Variants in CWC27 observed in about 807,000 individuals in gnomAD.
CWC27 encodes spliceosome-associated protein CWC27 homolog.
A neutral mutation model predicts 63.6 loss-of-function variants in CWC27; 47 were observed. That is an observed-to-expected ratio of 0.74 (90% confidence interval 0.58 to 0.94). CWC27 has a LOEUF of 0.94. Ranked by LOEUF, CWC27 falls within the 40% of genes least tolerant of loss-of-function variation. The pLI, the probability that CWC27 is intolerant of heterozygous loss-of-function variation, is 0.00. For synonymous variants in CWC27, 175 were observed against 179.8 expected (o/e 0.97, Z 0.22); for missense variants, 495 against 554.3 (o/e 0.89, Z 1.07).
chr5:64,968,053 A>G (rs750673813), intron 11 of CWC27, among the ~76,000 whole-genome samples: 1 of 152,056 alleles, frequency 6.6e-6, no homozygotes, highest in Non-Finnish European at 1.5e-5. Flanking sequence ...TAAGAAAACT[A>G]TTACAACTCA....
chr5:64,783,562 G>T, intron 3 of CWC27, among the ~76,000 whole-genome samples: 1 of 152,160 alleles, frequency 6.6e-6, no homozygotes, highest in East Asian at 1.9e-4. Context: ...AAATGACTTA[G>T]AAATCCATTC....
chr5:64,963,134 G>T (rs1467292198), intron 11 of CWC27, among the ~76,000 whole-genome samples: 21 of 151,482 alleles, frequency 1.4e-4, no homozygotes, highest in African/African-American at 5.1e-4. Flanking sequence ...ATTTTTTTTT[G>T]TATTTTTAGT....
intron 10 of CWC27, among the ~76,000 whole-genome samples, chr5:64,806,502 C>T (rs976709478): frequency 1.3e-5 from 2 of 152,144 alleles, no homozygotes; most frequent in Non-Finnish European, 2.9e-5. Flanking sequence ...TTTCATTATT[C>T]ACATTCTCTA....
chr5:64,846,646 G>A (rs1745987162), intron 10 of CWC27, among the ~76,000 whole-genome samples: 1 of 152,086 alleles, frequency 6.6e-6, no homozygotes, highest in South Asian at 2.1e-4. Context: ...AAGGAAGACA[G>A]CAAGGGAGGA....
intron 2 of CWC27, among the ~76,000 whole-genome samples, chr5:64,777,844 T>C (rs1743511811): frequency 6.6e-6 from 1 of 152,102 alleles, no homozygotes; most frequent in African/African-American, 2.4e-5. Flanking sequence ...ACTAATAAAT[T>C]ACAAAGAAGT....
intron 11 of CWC27, among the ~76,000 whole-genome samples, chr5:64,903,698 A>T (rs1249417753): frequency 1.3e-5 from 2 of 152,136 alleles, no homozygotes; most frequent in East Asian, 3.9e-4. Context: ...TAAAATAAAA[A>T]ATAAAAATAA....
Position 64,985,718 on chromosome 5 carries a change from A to AT in CWC27, c.1256+8481dup, listed in dbSNP as rs528043497. On this transcript the variant is annotated intron_variant, in intron 13 of 13. Coordinates refer to ENST00000381070, the MANE Select transcript of CWC27 (RefSeq NM_005869.4). ...TTTTATTTCTTTCTTTCTACTCTGT[A>AT]TGACATGTATTTATTCATTTATTTA... 8.5e-4 allele frequency among the ~76,000 whole-genome samples: 129 copies of AT among 152,168 alleles called. 1 individual carries two copies. Among genetic ancestry groups the AT allele is most frequent in the Non-Finnish European group, 8.1e-4 (55 of 67,998 alleles).
intron 10 of CWC27, chr5:64,808,089 A>G: frequency 8.4e-7 from 1 of 1,183,790 alleles, no homozygotes; most frequent in Non-Finnish European, 1.0e-6. Context: ...TTACTATTTA[A>G]AGTGTGATCT....
chr5:64,770,554 T>A (rs955992538), intron 1 of CWC27, among the ~76,000 whole-genome samples: 2 of 152,210 alleles, frequency 1.3e-5, no homozygotes, highest in African/African-American at 4.8e-5. Flanking sequence ...ATCCCAGCAG[T>A]CTCTGGCCCC....
intron 10 of CWC27, among the ~76,000 whole-genome samples, chr5:64,807,358 T>C (rs1425446944): frequency 6.6e-6 from 1 of 152,218 alleles, no homozygotes; most frequent in Non-Finnish European, 1.5e-5. Context: ...TGGGGAATGA[T>C]ATTTAACAGA....
intron 10 of CWC27, among the ~76,000 whole-genome samples, chr5:64,884,685 G>C (rs1354613053): frequency 1.3e-5 from 2 of 152,268 alleles, no homozygotes; most frequent in African/African-American, 4.8e-5. Context: ...GTCTTGACCA[G>C]TTACAAGTAA....
chr5:64,918,055 A>C (rs976874194), intron 11 of CWC27, among the ~76,000 whole-genome samples: 43 of 152,188 alleles, frequency 2.8e-4, no homozygotes, highest in Admixed American at 2.8e-3. Context: ...TTTTCAGGTG[A>C]ATATTTGTTT....
At chr5:64,973,053 G>A (rs960991684) in intron 12 of CWC27, among the ~76,000 whole-genome samples, 2 of 152,154 alleles carry the variant, frequency 1.3e-5, no homozygotes, top group African/African-American at 4.8e-5. Context: ...GCCAGGTAGA[G>A]GCAGAGCATG....
At chr5:64,969,509 A>G (rs781696819) in intron 11 of CWC27, among the ~76,000 whole-genome samples, 1 of 152,170 alleles carries the variant, frequency 6.6e-6, no homozygotes, top group East Asian at 1.9e-4. Flanking sequence ...GGAAGAGGGC[A>G]AATTACCCTA....
intron 13 of CWC27, among the ~76,000 whole-genome samples, chr5:65,004,909 T>TACACATAC (rs1749811916): frequency 1.5e-5 from 1 of 65,084 alleles, no homozygotes; most frequent in African/African-American, 6.3e-5. Context: ...TATATATACA[T>TACACATAC]ACACACACAC....
chr5:64,783,384 A>G (rs996809153), intron 3 of CWC27, among the ~76,000 whole-genome samples: 19 of 152,246 alleles, frequency 1.2e-4, no homozygotes, highest in African/African-American at 4.6e-4. Context: ...ACACAATCAT[A>G]GTAGATTATT....
chr5:64,796,895 A>C (rs62369289), intron 7 of CWC27, among the ~76,000 whole-genome samples: 52,216 of 118,434 alleles, frequency 0.44, 11,653 homozygotes, highest in African/African-American at 0.62. Context: ...TCTCTTTCTG[A>C]CTCCCTCCCT....
chr5:64,826,709 T>G (rs1424649967), intron 10 of CWC27, among the ~76,000 whole-genome samples: 3 of 151,702 alleles, frequency 2.0e-5, no homozygotes, highest in African/African-American at 4.8e-5. Context: ...TTTTGTTTTT[T>G]TTTTTTGCTA....
intron 11 of CWC27, among the ~76,000 whole-genome samples, chr5:64,906,395 T>C (rs1223746815): frequency 6.6e-6 from 1 of 152,224 alleles, no homozygotes; most frequent in Non-Finnish European, 1.5e-5. Context: ...CTTGGCAGTT[T>C]TGATTTGCAT....
Sources: allele counts gnomAD v4.1 joint callset (sites outside exome capture counted in the v4.1 genomes callset), GRCh38; gene constraint gnomAD v4.1.1; transcripts MANE v1.5; gene names NCBI Gene and HGNC (gene_info 2026-07-23, HGNC 2026-07-21).